GALNT17: variants seen among roughly 807,000 people sequenced by gnomAD.
GALNT17 encodes the protein polypeptide N-acetylgalactosaminyltransferase 17.
Under a neutral mutation model 63.7 loss-of-function variants are expected in GALNT17, and 29 were observed. The ratio of observed to expected loss-of-function variants is 0.46; its 90% confidence interval spans 0.34 to 0.62. The LOEUF is 0.62. Ranked by LOEUF, GALNT17 falls within the 20% of genes least tolerant of loss-of-function variation. The pLI, the probability that GALNT17 is intolerant of heterozygous loss-of-function variation, is 0.01. For synonymous variants in GALNT17, 305 were observed against 318.3 expected, an observed-to-expected ratio of 0.96 and a Z score of 0.45; for missense variants, 603 against 799.6, an observed-to-expected ratio of 0.75 and a Z score of 2.97.
At chr7:71,305,494 T>G (rs1791273431) in intron 1 of GALNT17, among the ~76,000 whole-genome samples, 1 of 152,200 alleles carries the variant, frequency 6.6e-6, no homozygotes, top group African/African-American at 2.4e-5. Context: ...GTAGTGAAAT[T>G]GTTAGCAGTT....
chr7:71,242,286 T>TTTTTTTTTTTTTC (rs1554343530), intron 1 of GALNT17, among the ~76,000 whole-genome samples: 1 of 132,244 alleles, frequency 7.6e-6, no homozygotes, highest in Non-Finnish European at 1.6e-5. Context: ...TTTTTTTTTT[T>TTTTTTTTTTTTTC]TGAGACAGAG....
chr7:71,164,024 A>G (rs1243566396), intron 1 of GALNT17, among the ~76,000 whole-genome samples: 1 of 152,198 alleles, frequency 6.6e-6, no homozygotes, highest in Non-Finnish European at 1.5e-5. Flanking sequence ...GTGGAAACAG[A>G]GCATTTCTGT....
At chr7:71,522,676 G>A (rs1270736552) in intron 5 of GALNT17, among the ~76,000 whole-genome samples, 3 of 152,140 alleles carry the variant, frequency 2.0e-5, no homozygotes, top group African/African-American at 4.8e-5. Context: ...GGGACATAGA[G>A]CCAAACCGCA....
chr7:71,286,160 C>A (rs989971178), intron 1 of GALNT17, among the ~76,000 whole-genome samples: 14 of 152,192 alleles, frequency 9.2e-5, no homozygotes, highest in Non-Finnish European at 1.5e-4. Context: ...TGTGTGCACA[C>A]ATTACTAGGG....
chr7:71,144,785 A>G (rs1455626244), intron 1 of GALNT17, among the ~76,000 whole-genome samples: 1 of 152,022 alleles, frequency 6.6e-6, no homozygotes, highest in East Asian at 1.9e-4. Flanking sequence ...GCTGGAGTGC[A>G]GTGGCACATT....
At chr7:71,291,922 C>T (rs1353527197) in intron 1 of GALNT17, among the ~76,000 whole-genome samples, 2 of 152,086 alleles carry the variant, frequency 1.3e-5, no homozygotes, top group African/African-American at 4.8e-5. Context: ...TTTTCCCCTT[C>T]CCAGTTCTTT....
chr7:71,469,803 T>C (rs1787598040), intron 5 of GALNT17, among the ~76,000 whole-genome samples: 1 of 152,246 alleles, frequency 6.6e-6, no homozygotes, highest in African/African-American at 2.4e-5. Context: ...CCCTCATTCT[T>C]TGAAGACTGA....
chr7:71,510,474 G>A (rs1788338652), intron 5 of GALNT17, among the ~76,000 whole-genome samples: 1 of 152,106 alleles, frequency 6.6e-6, no homozygotes, highest in African/African-American at 2.4e-5. Flanking sequence ...CATCAGTTGG[G>A]TCATGCCTGG....
At chr7:71,582,017 G>A (rs911919854) in intron 6 of GALNT17, among the ~76,000 whole-genome samples, 4 of 152,134 alleles carry the variant, frequency 2.6e-5, no homozygotes, top group African/African-American at 9.7e-5. Flanking sequence ...GAGCGTGTGA[G>A]TTACAGCAGG....
intron 5 of GALNT17, among the ~76,000 whole-genome samples, chr7:71,443,918 G>A (rs1202602766): frequency 6.6e-6 from 1 of 152,094 alleles, no homozygotes; most frequent in Non-Finnish European, 1.5e-5. Context: ...GTAGAGACGG[G>A]GTTTCACCAT....
At chr7:71,248,170 A>C (rs755453349) in intron 1 of GALNT17, among the ~76,000 whole-genome samples, 1 of 152,234 alleles carries the variant, frequency 6.6e-6, no homozygotes, top group Non-Finnish European at 1.5e-5. Context: ...TCTTCTTCAC[A>C]AGGTGGCAGA....
chr7:71,290,301 C>T (rs1297184885), intron 1 of GALNT17, among the ~76,000 whole-genome samples: 1 of 152,202 alleles, frequency 6.6e-6, no homozygotes, highest in Non-Finnish European at 1.5e-5. Context: ...AATGGGAAGA[C>T]ATCTTTCGCT....
intron 9 of GALNT17, among the ~76,000 whole-genome samples, chr7:71,683,982 C>A (rs1478482532): frequency 6.9e-6 from 1 of 144,642 alleles, no homozygotes; most frequent in East Asian, 2.0e-4. Context: ...GCACTCCAGC[C>A]TGGGCAACAG....
chr7:71,382,604 G>A (rs906910360), intron 2 of GALNT17, among the ~76,000 whole-genome samples: 41 of 152,106 alleles, frequency 2.7e-4, no homozygotes, highest in African/African-American at 9.7e-4. Flanking sequence ...AAACGAGGTG[G>A]TCCTCCTGGG....
chr7:71,471,451 C>T (rs1363875512), intron 5 of GALNT17, among the ~76,000 whole-genome samples: 1 of 149,984 alleles, frequency 6.7e-6, no homozygotes, highest in Non-Finnish European at 1.5e-5. Flanking sequence ...CTCTACAAAG[C>T]ATATTTTGTG....
intron 2 of GALNT17, among the ~76,000 whole-genome samples, chr7:71,376,416 T>G (rs1792725326): frequency 7.2e-6 from 1 of 138,318 alleles, no homozygotes; most frequent in African/African-American, 2.7e-5. Flanking sequence ...AAACTTAAGG[T>G]TTGGAGTTGT....
chr7:71,337,084 A>G (rs868055700), intron 2 of GALNT17, among the ~76,000 whole-genome samples: 46 of 152,254 alleles, frequency 3.0e-4, no homozygotes, highest in African/African-American at 1.1e-3. Flanking sequence ...TTTCTAAAAA[A>G]AAATCACCAT....
intron 1 of GALNT17, among the ~76,000 whole-genome samples, chr7:71,270,660 A>G (rs995905495): frequency 4.6e-5 from 7 of 152,112 alleles, no homozygotes; most frequent in African/African-American, 1.4e-4. Flanking sequence ...TATAAAATGC[A>G]TTCCAAACCC....
chr7:71,469,296 T>G (rs1787589732), intron 5 of GALNT17, among the ~76,000 whole-genome samples: 1 of 152,220 alleles, frequency 6.6e-6, no homozygotes, highest in Non-Finnish European at 1.5e-5. Flanking sequence ...TGTCACCGTG[T>G]GCAAGTTATT....
Sources: gnomAD v4.1 joint callset for allele counts (sites outside exome capture counted in the v4.1 genomes callset) on GRCh38, gnomAD v4.1.1 for gene constraint, MANE v1.5 for transcripts, NCBI Gene and HGNC (gene_info 2026-07-23, HGNC 2026-07-21) for gene names.